The following PTPRD variants were observed in gnomAD, a reference collection of about 807,000 sequenced individuals.
The protein encoded by PTPRD is protein tyrosine phosphatase receptor type D.
In PTPRD, 34 loss-of-function variants were observed where a neutral mutation model predicts 214.5. That is an observed-to-expected ratio of 0.16 (90% confidence interval 0.12 to 0.21). The LOEUF is 0.21. PTPRD is among the 10% of genes least tolerant of loss of function. The probability of loss-of-function intolerance (pLI) is 1.00; values close to 1 mark genes in which losing one functional copy is unlikely to be tolerated. For synonymous variants in PTPRD, 1,128 were observed against 845.7 expected (o/e 1.33, Z -5.79); for missense variants, 2,545 against 2,398.7 (o/e 1.06, Z -1.27).
intron 5 of PTPRD, among the ~76,000 whole-genome samples, chr9:9,925,555 C>T (rs1490792715): frequency 6.6e-6 from 1 of 151,770 alleles, no homozygotes; most frequent in Non-Finnish European, 1.5e-5. Flanking sequence ...ATTATTATAA[C>T]AGTAATATTA....
chr9:10,017,149 A>G (rs1264957691), intron 4 of PTPRD, among the ~76,000 whole-genome samples: 5 of 152,128 alleles, frequency 3.3e-5, no homozygotes, highest in South Asian at 2.1e-4. Context: ...AATATGCCCA[A>G]TGTTTTTAGT....
At chr9:9,642,835 G>A (rs1205216678) in intron 7 of PTPRD, among the ~76,000 whole-genome samples, 2 of 152,072 alleles carry the variant, frequency 1.3e-5, no homozygotes, top group African/African-American at 4.8e-5. Context: ...CAAGACAATT[G>A]GGGCTCATAG....
chr9:9,641,189 G>A (rs1034411102), intron 7 of PTPRD, among the ~76,000 whole-genome samples: 1 of 148,376 alleles, frequency 6.7e-6, no homozygotes, highest in Non-Finnish European at 1.5e-5. Context: ...AGCTCCTTGA[G>A]TTGTTTTCAT....
intron 3 of PTPRD, among the ~76,000 whole-genome samples, chr9:10,097,659 A>C (rs2098505190): frequency 6.6e-6 from 1 of 151,750 alleles, no homozygotes; most frequent in African/African-American, 2.4e-5. Context: ...GGGGTTTTCT[A>C]GATATACAAT....
At chr9:9,765,711 A>G (rs2098701123) in intron 6 of PTPRD, among the ~76,000 whole-genome samples, 1 of 152,170 alleles carries the variant, frequency 6.6e-6, no homozygotes. Flanking sequence ...CCCAGGCTGG[A>G]GTGCAGTGGC....
At chr9:8,919,692 T>C (rs1428764941) in intron 11 of PTPRD, among the ~76,000 whole-genome samples, 6 of 152,272 alleles carry the variant, frequency 3.9e-5, no homozygotes, top group Admixed American at 6.5e-5. Context: ...TATTTATACA[T>C]GCATGTATAC....
At chr9:10,015,039 G>C (rs1188939245) in intron 4 of PTPRD, among the ~76,000 whole-genome samples, 2 of 152,064 alleles carry the variant, frequency 1.3e-5, no homozygotes, top group African/African-American at 2.4e-5. Flanking sequence ...TAATCCACTT[G>C]AAGTAATTTC....
chr9:9,584,941 T>C (rs893557865), intron 7 of PTPRD, among the ~76,000 whole-genome samples: 3 of 152,014 alleles, frequency 2.0e-5, no homozygotes, highest in South Asian at 2.1e-4. Flanking sequence ...ATGCCCTTTA[T>C]TGCACAACCA....
intron 2 of PTPRD, among the ~76,000 whole-genome samples, chr9:10,558,870 A>G (rs1220036959): frequency 6.6e-6 from 1 of 152,174 alleles, no homozygotes; most frequent in African/African-American, 2.4e-5. Context: ...CACCAGAAAA[A>G]CAACACAGTC....
intron 9 of PTPRD, among the ~76,000 whole-genome samples, chr9:9,392,214 A>G (rs1287430753): frequency 2.6e-5 from 4 of 152,162 alleles, no homozygotes; most frequent in Non-Finnish European, 5.9e-5. Flanking sequence ...GGGCACATTG[A>G]TGACCGCAGT....
At chr9:9,790,868 C>G (rs1049385188) in intron 5 of PTPRD, among the ~76,000 whole-genome samples, 6 of 152,154 alleles carry the variant, frequency 3.9e-5, no homozygotes, top group African/African-American at 1.4e-4. Flanking sequence ...TGGATCTACA[C>G]TAATATACAA....
intron 2 of PTPRD, among the ~76,000 whole-genome samples, chr9:10,448,150 A>G (rs2098812550): frequency 6.6e-6 from 1 of 152,074 alleles, no homozygotes; most frequent in Admixed American, 6.5e-5. Context: ...TCGAGTCTTA[A>G]GACAGCATTA....
chr9:9,286,106 G>C (rs1204700357), intron 9 of PTPRD, among the ~76,000 whole-genome samples: 8 of 151,590 alleles, frequency 5.3e-5, no homozygotes, highest in South Asian at 2.1e-4. Context: ...AAATTCTTTT[G>C]TGACAACCCG....
chr9:9,247,462 T>C (rs2099973582), intron 9 of PTPRD, among the ~76,000 whole-genome samples: 1 of 152,106 alleles, frequency 6.6e-6, no homozygotes, highest in Admixed American at 6.6e-5. Context: ...TTATGCTTTT[T>C]TCCTGTTAAC....
At chr9:9,618,714 G>A (rs2095054918) in intron 7 of PTPRD, among the ~76,000 whole-genome samples, 1 of 152,104 alleles carries the variant, frequency 6.6e-6, no homozygotes, top group African/African-American at 2.4e-5. Context: ...TATCAAGTAG[G>A]TATTAAATAT....
intron 9 of PTPRD, among the ~76,000 whole-genome samples, chr9:9,299,605 G>T (rs897402467): frequency 5.3e-5 from 8 of 151,618 alleles, no homozygotes; most frequent in Non-Finnish European, 1.2e-4. Flanking sequence ...TTTTTGAAAG[G>T]TCATATGTGC....
intron 10 of PTPRD, among the ~76,000 whole-genome samples, chr9:9,157,599 G>T (rs1054881901): frequency 6.6e-6 from 1 of 152,120 alleles, no homozygotes; most frequent in African/African-American, 2.4e-5. Context: ...GACCAAAAAT[G>T]AGGAAGGAGA....
chr9:10,602,997 G>C (rs934072592), intron 2 of PTPRD, among the ~76,000 whole-genome samples: 2 of 151,664 alleles, frequency 1.3e-5, no homozygotes, highest in African/African-American at 4.8e-5. Context: ...CAAAACTCTT[G>C]GTTGGTTCAA....
chr9:9,836,632 G>A lies in PTPRD; in HGVS notation c.-367-69781C>T, dbSNP rs1011259742. On this transcript the variant is annotated intron_variant, in intron 5 of 45. Transcript: ENST00000381196. ...TTCAAAGGATGCAGAGAGTAACATA[G>A]AGAAAAACTGTGTGCTTCTATGGAG... Among the ~76,000 whole-genome samples, 101 of 152,214 alleles carry A rather than the reference G, an allele frequency of 6.6e-4. 1 individual carries two copies. The highest frequency in any genetic ancestry group is 6.2e-3 in the Admixed American group (94 of 15,252).
Sources: allele counts gnomAD v4.1 joint callset (sites outside exome capture counted in the v4.1 genomes callset), GRCh38; gene constraint gnomAD v4.1.1; transcripts MANE v1.5; gene names NCBI Gene and HGNC (gene_info 2026-07-23, HGNC 2026-07-21).